SMAP1: variants seen among roughly 807,000 people sequenced by gnomAD.
SMAP1 encodes the protein stromal membrane-associated protein 1.
Under a neutral mutation model 58.5 loss-of-function variants are expected in SMAP1, and 24 were observed. The ratio of observed to expected loss-of-function variants is 0.41; its 90% CI spans 0.30 to 0.58. The LOEUF is 0.58. SMAP1 is among the 20% of genes least tolerant of loss of function. The pLI, the probability that SMAP1 is intolerant of heterozygous loss-of-function variation, is 0.29. For missense variants in SMAP1, 563 were observed against 566.3 expected (o/e 0.99, Z 0.06); for synonymous variants, 216 against 196.6 (o/e 1.10, Z -0.82).
intron 7 of SMAP1, among the ~76,000 whole-genome samples, chr6:70,849,741 T>C (rs1771116338): frequency 6.6e-6 from 1 of 152,222 alleles, no homozygotes. Context: ...AAAACACACA[T>C]AAAATTTACC....
intron 6 of SMAP1, among the ~76,000 whole-genome samples, chr6:70,828,548 C>G (rs1467360336): frequency 6.6e-6 from 1 of 152,214 alleles, no homozygotes; most frequent in Non-Finnish European, 1.5e-5. Context: ...CACTGCAGTT[C>G]ATATGCACAA....
intron 4 of SMAP1, among the ~76,000 whole-genome samples, chr6:70,785,881 G>C (rs995555855): frequency 1.3e-5 from 2 of 152,176 alleles, no homozygotes; most frequent in Non-Finnish European, 2.9e-5. Flanking sequence ...GTACAAGGAG[G>C]AGCTGGTACC....
chr6:70,784,039 G>A (rs1582177099), intron 4 of SMAP1, among the ~76,000 whole-genome samples: 1 of 152,200 alleles, frequency 6.6e-6, no homozygotes, highest in South Asian at 2.1e-4. Context: ...AAAATGTTAA[G>A]GGCAGCCAGA....
At chr6:70,743,131 T>C (rs1196739101) in intron 2 of SMAP1, among the ~76,000 whole-genome samples, 1 of 152,180 alleles carries the variant, frequency 6.6e-6, no homozygotes, top group African/African-American at 2.4e-5. Flanking sequence ...TTTATATATC[T>C]CTTGAATGTT....
intron 6 of SMAP1, among the ~76,000 whole-genome samples, chr6:70,822,559 T>C (rs1769935782): frequency 6.6e-6 from 1 of 152,134 alleles, no homozygotes; most frequent in Admixed American, 6.6e-5. Flanking sequence ...CAAGAAAAGG[T>C]AAGGGCAAAG....
chr6:70,733,134 T>C (rs17762988), intron 2 of SMAP1, among the ~76,000 whole-genome samples: 3,579 of 152,346 alleles, frequency 0.023, 52 homozygotes, highest in Non-Finnish European at 0.037. Context: ...GGTCTTATTA[T>C]GTAATTCACA....
At chr6:70,766,577 A>G (rs1460059243) in intron 3 of SMAP1, among the ~76,000 whole-genome samples, 2 of 152,032 alleles carry the variant, frequency 1.3e-5, no homozygotes, top group East Asian at 3.9e-4. Context: ...TCCTTTGCCC[A>G]CTTTTTGATG....
chr6:70,778,374 G>A (rs1447332320), intron 4 of SMAP1, among the ~76,000 whole-genome samples: 2 of 152,094 alleles, frequency 1.3e-5, no homozygotes, highest in African/African-American at 4.8e-5. Flanking sequence ...TTATGTTGAG[G>A]TATGTTCCTT....
intron 7 of SMAP1, 145 bp from the exon 8 acceptor site, chr6:70,852,395 C>A: frequency 1.4e-6 from 1 of 706,038 alleles, no homozygotes; most frequent in Non-Finnish European, 2.1e-6. Context: ...GAAAGGGGAT[C>A]GGGGGTAGGT....
At chr6:70,682,408 C>T (rs568928967) in intron 1 of SMAP1, among the ~76,000 whole-genome samples, 6 of 151,916 alleles carry the variant, frequency 3.9e-5, no homozygotes, top group South Asian at 2.1e-4. Context: ...AGGCTGGTCT[C>T]GAACTCCTGA....
chr6:70,699,108 A>G (rs1240290472), intron 1 of SMAP1, among the ~76,000 whole-genome samples: 1 of 152,230 alleles, frequency 6.6e-6, no homozygotes, highest in Admixed American at 6.5e-5. Context: ...CTGCATCTGC[A>G]TTAGTGGGGA....
intron 6 of SMAP1, among the ~76,000 whole-genome samples, chr6:70,821,360 A>G (rs1162081970): frequency 1.3e-5 from 2 of 151,674 alleles, no homozygotes; most frequent in Non-Finnish European, 2.9e-5. Flanking sequence ...TTCTGCTGTT[A>G]GTGGACATTT....
chr6:70,852,734 T>G (rs1771237028), intron 8 of SMAP1, 70 bp downstream of exon 8: 2 of 1,435,536 alleles, frequency 1.4e-6, no homozygotes, highest in Non-Finnish European at 1.8e-6. Context: ...AAAATTTCAA[T>G]TTTGGAAGAA....
chr6:70,691,429 C>T (rs964812036), intron 1 of SMAP1, among the ~76,000 whole-genome samples: 20 of 152,062 alleles, frequency 1.3e-4, no homozygotes, highest in African/African-American at 4.6e-4. Flanking sequence ...TCACCTCAAG[C>T]ATTTATCATT....
At chr6:70,745,719 T>C (rs1488425573) in intron 2 of SMAP1, among the ~76,000 whole-genome samples, 4 of 152,206 alleles carry the variant, frequency 2.6e-5, no homozygotes, top group Non-Finnish European at 5.9e-5. Context: ...AGAAAGTCAT[T>C]GGTAGCTTGA....
chr6:70,668,639 A>G, intron 1 of SMAP1: 2 of 1,535,752 alleles, frequency 1.3e-6, no homozygotes, highest in Non-Finnish European at 1.7e-6. Flanking sequence ...ATGGAGCCCT[A>G]CCTGCCTGCC....
At chr6:70,800,804 A>T (rs1488080049) in intron 6 of SMAP1, among the ~76,000 whole-genome samples, 1 of 152,008 alleles carries the variant, frequency 6.6e-6, no homozygotes, top group African/African-American at 2.4e-5. Flanking sequence ...GCTGAGAATG[A>T]TGGTTTCCAG....
intron 1 of SMAP1, among the ~76,000 whole-genome samples, chr6:70,702,250 T>A (rs1232913225): frequency 8.3e-6 from 1 of 120,498 alleles, no homozygotes. Flanking sequence ...TCTATGGGTT[T>A]ATAGTTTTCA....
At chr6:70,807,837 C>T (rs1259537632) in intron 6 of SMAP1, among the ~76,000 whole-genome samples, 10 of 152,026 alleles carry the variant, frequency 6.6e-5, no homozygotes, top group Admixed American at 2.6e-4. Context: ...CCCACTGTGC[C>T]GTTGAAAATC....
Sources: allele counts gnomAD v4.1 joint callset (sites outside exome capture counted in the v4.1 genomes callset), GRCh38; gene constraint gnomAD v4.1.1; transcripts MANE v1.5; gene names NCBI Gene and HGNC (gene_info 2026-07-23, HGNC 2026-07-21).